KCNN2: variants seen among roughly 807,000 people sequenced by gnomAD.
KCNN2 encodes the protein small conductance calcium-activated potassium channel protein 2.
Under a neutral mutation model 55.5 loss-of-function variants are expected in KCNN2, and 24 were observed. The ratio of observed to expected loss-of-function variants is 0.43; its 90% CI spans 0.31 to 0.61. The LOEUF is 0.61. Among genes scored for constraint, KCNN2 ranks in the 20% least tolerant of loss-of-function variants. KCNN2 has a pLI of 0.08. For missense variants in KCNN2, 754 were observed against 853.6 expected (o/e 0.88, Z 1.45); for synonymous variants, 431 against 336.1 (o/e 1.28, Z -3.09).
At chr5:114,487,248 T>C in intron 6 of KCNN2, 71 bp downstream of exon 6, 1 of 1,397,326 alleles carries the variant, frequency 7.2e-7, no homozygotes, top group Non-Finnish European at 9.9e-7. Flanking sequence ...TGTTTATTCT[T>C]GTTTCATAAG....
chr5:114,306,398 G>A (rs3112742), intron 2 of KCNN2, among the ~76,000 whole-genome samples: 149,441 of 152,290 alleles, frequency 0.98, 73,386 homozygotes, highest in Non-Finnish European at 1. Context: ...AAAGTCCCTG[G>A]TAGTGATACT....
chr5:114,198,802 G>A (rs1456561534), intron 1 of KCNN2, among the ~76,000 whole-genome samples: 1 of 151,952 alleles, frequency 6.6e-6, no homozygotes, highest in Non-Finnish European at 1.5e-5. Context: ...TACTTGATAT[G>A]ATTTTGATTT....
chr5:114,143,437 C>G (rs1752330434), intron 1 of KCNN2, among the ~76,000 whole-genome samples: 1 of 151,962 alleles, frequency 6.6e-6, no homozygotes, highest in South Asian at 2.1e-4. Context: ...CCGGTTAGAC[C>G]AAAAATTCTC....
rs368225575 is a variant in KCNN2, at chr5:114,362,677, C to T, written c.538C>T (p.Pro180Ser). 1.1e-5 allele frequency: 16 copies of T among 1,428,664 alleles called. No homozygotes were observed. Among genetic ancestry groups the T allele is most frequent in the Admixed American group, 2.8e-5 (1 of 35,532 alleles). 88.5% of individuals were successfully genotyped at this position (1,428,664 alleles called of 1,614,324 possible). A position where few individuals can be genotyped will look rare whatever the true frequency, so the allele number is the denominator to read the frequency against. ...CAGCCTCGGCAGTCTGGGCTCCGGG[C>T]CCCCGCTCTCGCACCACCACCACCA... is the stretch of plus-strand genomic sequence containing the variant. ...TGSLGSLGSG[P>S]PLSHHHHHPH... is the part of the protein sequence containing the mutation. Residue 180 changes from proline to serine, a missense_variant, in exon 1 of 8, where the codon CCC (proline) becomes TCC (serine). Pro to Ser is a moderately conservative substitution (Grantham distance 74, BLOSUM62 -1). This residue lies in a region of KCNN2 where 381 missense variants were observed against 259.1 expected (regional missense o/e 1.47). Coordinates refer to ENST00000673685, the MANE Select transcript of KCNN2 (RefSeq NM_021614.4).
intron 2 of KCNN2, among the ~76,000 whole-genome samples, chr5:114,273,431 G>A (rs1755413816): frequency 1.3e-5 from 2 of 152,116 alleles, no homozygotes; most frequent in Non-Finnish European, 2.9e-5. Flanking sequence ...AATCCTTGAG[G>A]AATTGCTGCA....
At chr5:114,426,643 T>C (rs866490635) in intron 3 of KCNN2, among the ~76,000 whole-genome samples, 1 of 152,212 alleles carries the variant, frequency 6.6e-6, no homozygotes, top group African/African-American at 2.4e-5. Context: ...TGAATATGAA[T>C]ATTTAGAACA....
intron 2 of KCNN2, among the ~76,000 whole-genome samples, chr5:114,264,857 C>T (rs1755177963): frequency 6.6e-6 from 1 of 152,218 alleles, no homozygotes; most frequent in Non-Finnish European, 1.5e-5. Context: ...CCCAGGAAGC[C>T]TGCTGTCCTC....
chr5:114,160,712 G>C (rs200959541), intron 1 of KCNN2, among the ~76,000 whole-genome samples: 2 of 152,088 alleles, frequency 1.3e-5, no homozygotes, highest in Non-Finnish European at 2.9e-5. Flanking sequence ...TATATATTTA[G>C]GATAGTTAGT....
chr5:114,071,274 G>A (rs990113030), intron 1 of KCNN2, among the ~76,000 whole-genome samples: 2 of 152,304 alleles, frequency 1.3e-5, no homozygotes, highest in Admixed American at 1.3e-4. Flanking sequence ...AAACTACAGA[G>A]CTTGAGTAGC....
chr5:114,241,207 AAAAATAGC>A (rs1369963572), intron 2 of KCNN2, among the ~76,000 whole-genome samples: 2 of 151,884 alleles, frequency 1.3e-5, no homozygotes, highest in African/African-American at 4.8e-5. Flanking sequence ...CTAATGTCAC[AAAAATAGC>A]AATAATTCTG....
intron 2 of KCNN2, among the ~76,000 whole-genome samples, chr5:114,228,595 G>T (rs144178079): frequency 2.4e-4 from 37 of 152,168 alleles, no homozygotes; most frequent in African/African-American, 8.7e-4. Context: ...AACTAAAATT[G>T]TGCCTGAAAT....
intron 2 of KCNN2, among the ~76,000 whole-genome samples, chr5:114,368,553 AAGAC>A (rs1233124922): frequency 6.6e-6 from 1 of 152,188 alleles, no homozygotes; most frequent in Non-Finnish European, 1.5e-5. Context: ...CTGAAGAAGA[AAGAC>A]AGAGTGTTCC....
chr5:114,319,720 C>T (rs1756576585), intron 2 of KCNN2, among the ~76,000 whole-genome samples: 1 of 152,208 alleles, frequency 6.6e-6, no homozygotes, highest in African/African-American at 2.4e-5. Flanking sequence ...CTAAATCAAA[C>T]ACTGTAAGAT....
At chr5:114,482,885 G>C (rs138739402) in intron 5 of KCNN2, among the ~76,000 whole-genome samples, 332 of 152,214 alleles carry the variant, frequency 2.2e-3, no homozygotes, top group Non-Finnish European at 3.5e-3. Context: ...TCTGGAGGAG[G>C]GGGTAGGGGG....
At chr5:114,340,811 C>T (rs1757003090) in intron 2 of KCNN2, among the ~76,000 whole-genome samples, 1 of 152,148 alleles carries the variant, frequency 6.6e-6, no homozygotes, top group Non-Finnish European at 1.5e-5. Flanking sequence ...GCAAACTGAA[C>T]CTTTGCACCC....
chr5:114,206,290 C>G (rs141541701), intron 1 of KCNN2, among the ~76,000 whole-genome samples: 1 of 152,286 alleles, frequency 6.6e-6, no homozygotes, highest in Non-Finnish European at 1.5e-5. Context: ...ATCTAGAGCT[C>G]TTAAACATTT....
intron 5 of KCNN2, among the ~76,000 whole-genome samples, chr5:114,474,867 A>G (rs1372626701): frequency 6.6e-6 from 1 of 152,076 alleles, no homozygotes; most frequent in East Asian, 1.9e-4. Context: ...CATGTCGCCC[A>G]TATGTTTGCC....
chr5:114,282,207 T>A (rs1357091263), intron 2 of KCNN2, among the ~76,000 whole-genome samples: 1 of 152,110 alleles, frequency 6.6e-6, no homozygotes, highest in Non-Finnish European at 1.5e-5. Flanking sequence ...TGTTTCTAAT[T>A]TCTTTCTTTC....
At chr5:114,356,229 G>A (rs1355365333) in intron 2 of KCNN2, among the ~76,000 whole-genome samples, 1 of 152,068 alleles carries the variant, frequency 6.6e-6, no homozygotes, top group Non-Finnish European at 1.5e-5. Flanking sequence ...AGATATTTTC[G>A]TTACTTGTAA....
Sources: allele counts gnomAD v4.1 joint callset (sites outside exome capture counted in the v4.1 genomes callset), GRCh38; gene constraint gnomAD v4.1.1; regional missense constraint gnomAD v4.1.1; transcripts MANE v1.5; gene names NCBI Gene and HGNC (gene_info 2026-07-23, HGNC 2026-07-21).